The following XYLT1 variants were observed in gnomAD, a reference collection of about 807,000 sequenced individuals.
The protein encoded by XYLT1 is xylosyltransferase 1, also known as beta-D-xylosyltransferase 1.
A neutral mutation model predicts 91.3 loss-of-function variants in XYLT1; 36 were observed. The ratio of observed to expected loss-of-function variants is 0.39; its 90% CI spans 0.30 to 0.52. XYLT1 has a LOEUF of 0.52. Ranked by LOEUF, XYLT1 falls within the 20% of genes least tolerant of loss-of-function variation. The pLI, the probability that XYLT1 is intolerant of heterozygous loss-of-function variation, is 0.68. For missense variants in XYLT1, 1,242 were observed against 1,284.5 expected (o/e 0.97, Z 0.51); for synonymous variants, 588 against 532.0 (o/e 1.11, Z -1.45).
In XYLT1 at chr16:17,407,585, C is replaced by T. The variant is rs2036050599; in HGVS notation, c.364-49535G>A. ...TGGGATTATAGGCATGAGACAGCAGCACTCAGTCTCTTTGTTTATTTCTCT... is the reference window on the plus strand; with the variant it reads ...TGGGATTATAGGCATGAGACAGCAGTACTCAGTCTCTTTGTTTATTTCTCT... On this transcript the variant is annotated intron_variant, in intron 1 of 11. Coordinates refer to ENST00000261381, the MANE Select transcript of XYLT1 (RefSeq NM_022166.4). Among the ~76,000 whole-genome samples the T allele has an allele frequency of 1.3e-5, 2 of 152,182 alleles. 1 individual carries two copies. Among genetic ancestry groups the T allele is most frequent in the South Asian group, 4.1e-4 (2 of 4,834 alleles).
At chr16:17,397,474 G>A (rs2035902779) in intron 1 of XYLT1, among the ~76,000 whole-genome samples, 1 of 152,044 alleles carries the variant, frequency 6.6e-6, no homozygotes, top group Non-Finnish European at 1.5e-5. Flanking sequence ...TGGCAACCCT[G>A]GGCCCACCCT....
rs146414934 is a variant in XYLT1, at chr16:17,138,377, G to A, written c.1742C>T (p.Pro581Leu). ...WCGCSPNDFK[P>L]QDFHRFQQTA... Reference sequence around the variant, plus strand: ...CACCTGGAAGCGGTGGAAGTCCTGCGGCTTGAAGTCATTGGGGGAGCAGCC... The same window carrying A: ...CACCTGGAAGCGGTGGAAGTCCTGCAGCTTGAAGTCATTGGGGGAGCAGCC... Residue 581 changes from proline (P) to leucine (L), a missense_variant, in exon 8 of 12, where the codon CCG becomes CTG. Coordinates refer to ENST00000261381, the MANE Select transcript of XYLT1 (RefSeq NM_022166.4). 1,411 of 1,613,708 alleles carry A rather than the reference G, an allele frequency of 8.7e-4. 3 individuals carry two copies. Among genetic ancestry groups the A allele is most frequent in the South Asian group, 3.4e-3 (312 of 91,048 alleles).
chr16:17,240,337 C>T (rs1386592308), intron 3 of XYLT1, among the ~76,000 whole-genome samples: 1 of 152,200 alleles, frequency 6.6e-6, no homozygotes, highest in Non-Finnish European at 1.5e-5. Context: ...GAAGGTCTCA[C>T]TGACTTGCAA....
At position 17,470,527 on chromosome 16, in the gene XYLT1, TCCTCCTCCTCCTCCGCCGCCG is replaced by T. The variant is rs2036973446; in HGVS notation, c.249_269del (p.Gly84_Gly90del). 15 of 1,219,166 alleles carry T rather than the reference TCCTCCTCCTCCTCCGCCGCCG, an allele frequency of 1.2e-5. No individual in the cohort carries two copies. Among genetic ancestry groups the T allele is most frequent in the Non-Finnish European group, 1.5e-5 (15 of 980,750 alleles). 75.5% of individuals were successfully genotyped at this position (1,219,166 alleles called of 1,614,324 possible). A position where few individuals can be genotyped will look rare whatever the true frequency, so the allele number is the denominator to read the frequency against. On this transcript the variant is annotated inframe_deletion, in exon 1 of 12. Coordinates refer to ENST00000261381, the MANE Select transcript of XYLT1 (RefSeq NM_022166.4). ...CCCGCGCCCGCGCCTGGGGCCCCCG[TCCTCCTCCTCCTCCGCCGCCG>T]CCTCCTCCTCCTCCTCGGGCTGCAG...
intron 5 of XYLT1, among the ~76,000 whole-genome samples, chr16:17,165,616 T>A (rs975833586): frequency 5.9e-5 from 9 of 152,048 alleles, no homozygotes; most frequent in African/African-American, 2.2e-4. Context: ...TGCTTGAACC[T>A]GGGAGGCGGA....
intron 8 of XYLT1, among the ~76,000 whole-genome samples, chr16:17,135,380 C>G (rs1208219689): frequency 6.6e-6 from 1 of 151,998 alleles, no homozygotes; most frequent in Non-Finnish European, 1.5e-5. Context: ...AATTCAGATT[C>G]CAGGCCAGGC....
At chr16:17,133,832 A>G (rs903137910) in intron 9 of XYLT1, among the ~76,000 whole-genome samples, 7 of 152,186 alleles carry the variant, frequency 4.6e-5, no homozygotes, top group African/African-American at 1.7e-4. Flanking sequence ...AGACAATTGT[A>G]AGGGGTGGTT....
intron 1 of XYLT1, chr16:17,445,675 C>G (rs1194423191): frequency 6.6e-6 from 1 of 152,232 alleles, no homozygotes; most frequent in Non-Finnish European, 1.5e-5. Context: ...TCAGAAAAGG[C>G]AGCTGATTAA....
At chr16:17,206,499 C>G (rs2032647997) in intron 3 of XYLT1, among the ~76,000 whole-genome samples, 4 of 152,044 alleles carry the variant, frequency 2.6e-5, no homozygotes, top group Admixed American at 2.0e-4. Context: ...GGGGCCTGGG[C>G]AAGTCAATTT....
chr16:17,305,030 G>A (rs1257398143), intron 2 of XYLT1, among the ~76,000 whole-genome samples: 1 of 152,128 alleles, frequency 6.6e-6, no homozygotes, highest in Admixed American at 6.6e-5. Flanking sequence ...ACTCAGTGCC[G>A]CAGGGTGCCC....
At chr16:17,318,376 G>C (rs532501228) in intron 2 of XYLT1, among the ~76,000 whole-genome samples, 3 of 152,168 alleles carry the variant, frequency 2.0e-5, no homozygotes, top group Non-Finnish European at 2.9e-5. Flanking sequence ...ATGGCTTTTC[G>C]GGGGAGGAGT....
intron 3 of XYLT1, chr16:17,227,387 G>A (rs1186975283): frequency 6.6e-6 from 1 of 152,546 alleles, no homozygotes. Flanking sequence ...AGGACGGCTG[G>A]GAGGTGAATT....
chr16:17,294,533 A>G (rs1336569740), intron 2 of XYLT1, among the ~76,000 whole-genome samples: 1 of 152,158 alleles, frequency 6.6e-6, no homozygotes, highest in Non-Finnish European at 1.5e-5. Context: ...TGGCCTGAAT[A>G]CCAATGGGGC....
intron 2 of XYLT1, among the ~76,000 whole-genome samples, chr16:17,302,226 C>CTAA (rs886406679): frequency 5.3e-5 from 8 of 151,880 alleles, no homozygotes; most frequent in Non-Finnish European, 1.2e-4. Flanking sequence ...ACTACTACTA[C>CTAA]TACTAATAAT....
At chr16:17,425,159 C>T (rs2036300584) in intron 1 of XYLT1, among the ~76,000 whole-genome samples, 1 of 152,166 alleles carries the variant, frequency 6.6e-6, no homozygotes, top group Non-Finnish European at 1.5e-5. Flanking sequence ...CATGATTTCC[C>T]TTGAAGCACC....
At position 17,200,539 on chromosome 16, in the gene XYLT1, C is replaced by T; in HGVS notation, c.1029G>A (p.Gln343=). The change falls in exon 4 of 12, where the codon CAG becomes CAA. Residue 343 remains glutamine (Q), a synonymous_variant. Coordinates refer to ENST00000261381, the MANE Select transcript of XYLT1 (RefSeq NM_022166.4). ...VVHGRASRQL[Q]RMFKAIYHKD... ...TGTGGTAGATGGCCTTGAACATGCG[C>T]TGCAACTGCCGAGAGGCACGGCCGT... 2 of 1,614,204 alleles carry T rather than the reference C, an allele frequency of 1.2e-6. No individual in the cohort carries two copies. The highest frequency in any genetic ancestry group is 1.6e-4 in the Middle Eastern group (1 of 6,062).
At chr16:17,136,131 T>G (rs894290485) in intron 8 of XYLT1, among the ~76,000 whole-genome samples, 7 of 152,316 alleles carry the variant, frequency 4.6e-5, no homozygotes, top group Middle Eastern at 3.4e-3. Context: ...GGCAATGGAC[T>G]TATGTCATTA....
intron 1 of XYLT1, 57 bp downstream of exon 1, chr16:17,470,377 G>A (rs2036969125): frequency 1.6e-6 from 2 of 1,213,400 alleles, no homozygotes; most frequent in African/African-American, 1.6e-5. Context: ...GGGGCGTGGG[G>A]TCGGGCTGCC....
intron 2 of XYLT1, among the ~76,000 whole-genome samples, chr16:17,291,706 C>T (rs2034229775): frequency 1.3e-5 from 2 of 152,144 alleles, no homozygotes; most frequent in Admixed American, 6.5e-5. Flanking sequence ...AAGTGAAAGA[C>T]ATATACAAAA....
Sources: allele counts gnomAD v4.1 joint callset (sites outside exome capture counted in the v4.1 genomes callset), GRCh38; gene constraint gnomAD v4.1.1; transcripts MANE v1.5; gene names NCBI Gene and HGNC (gene_info 2026-07-23, HGNC 2026-07-21).